The following MARCHF8 variants were observed in gnomAD, a reference collection of about 807,000 sequenced individuals.
The protein encoded by MARCHF8 is E3 ubiquitin-protein ligase MARCHF8.
Under a neutral mutation model 51.6 loss-of-function variants are expected in MARCHF8, and 40 were observed. The observed-to-expected ratio is 0.77, with a 90% CI of 0.60 to 1.01. The LOEUF (loss-of-function observed/expected upper bound fraction) is 1.01, where lower values mean the gene tolerates loss of function less well. Ranked by LOEUF, MARCHF8 falls within the 50% of genes least tolerant of loss-of-function variation. The pLI, the probability that MARCHF8 is intolerant of heterozygous loss-of-function variation, is 0.00. For missense variants in MARCHF8, 685 were observed against 708.6 expected, an observed-to-expected ratio of 0.97 and a Z score of 0.38; for synonymous variants, 263 against 280.3, an observed-to-expected ratio of 0.94 and a Z score of 0.62.
At chr10:45,475,361 T>C (rs2042768044) in intron 3 of MARCHF8, among the ~76,000 whole-genome samples, 1 of 152,112 alleles carries the variant, frequency 6.6e-6, no homozygotes, top group Admixed American at 6.5e-5. Flanking sequence ...GGCCTTGGAA[T>C]CACCCAGCCC....
chr10:45,508,462 T>C (rs2043429823), intron 2 of MARCHF8, among the ~76,000 whole-genome samples: 1 of 152,170 alleles, frequency 6.6e-6, no homozygotes, highest in South Asian at 2.1e-4. Context: ...TTTCTATTTA[T>C]CAAAGTCCTG....
At chr10:45,515,643 C>T (rs1459481213) in intron 2 of MARCHF8, among the ~76,000 whole-genome samples, 1 of 152,136 alleles carries the variant, frequency 6.6e-6, no homozygotes, top group Non-Finnish European at 1.5e-5. Context: ...TGCATCATTC[C>T]ACAAGCACTG....
chr10:45,518,312 T>C (rs930804707), intron 2 of MARCHF8, among the ~76,000 whole-genome samples: 1 of 152,172 alleles, frequency 6.6e-6, no homozygotes, highest in African/African-American at 2.4e-5. Flanking sequence ...GCCACATCAG[T>C]ACAGAAAAGA....
At chr10:45,487,766 T>C (rs1282553768) in intron 3 of MARCHF8, among the ~76,000 whole-genome samples, 1 of 152,128 alleles carries the variant, frequency 6.6e-6, no homozygotes, top group African/African-American at 2.4e-5. Flanking sequence ...AGTTTACTTT[T>C]AGTCTTAAAA....
At chr10:45,478,997 A>G (rs1386832006) in intron 3 of MARCHF8, among the ~76,000 whole-genome samples, 1 of 152,248 alleles carries the variant, frequency 6.6e-6, no homozygotes, top group African/African-American at 2.4e-5. Context: ...AACTCATTCT[A>G]CTAGACCAGC....
chr10:45,523,863 C>T (rs2043748924), intron 2 of MARCHF8, among the ~76,000 whole-genome samples: 1 of 152,210 alleles, frequency 6.6e-6, no homozygotes, highest in Non-Finnish European at 1.5e-5. Context: ...GACCAACATC[C>T]ACAGAGGTCA....
At chr10:45,550,175 A>G (rs1302314598) in intron 1 of MARCHF8, among the ~76,000 whole-genome samples, 1 of 152,230 alleles carries the variant, frequency 6.6e-6, no homozygotes, top group Non-Finnish European at 1.5e-5. Context: ...CACCTATTAT[A>G]AATTCAAAGC....
At chr10:45,565,198 A>AG (rs1285431743) in intron 1 of MARCHF8, among the ~76,000 whole-genome samples, 3 of 152,084 alleles carry the variant, frequency 2.0e-5, no homozygotes, top group African/African-American at 4.8e-5. Context: ...TAGGAGGCCA[A>AG]GGGGGGTGAA....
intron 2 of MARCHF8, among the ~76,000 whole-genome samples, chr10:45,506,861 G>A (rs377509723): frequency 1.3e-5 from 2 of 152,166 alleles, no homozygotes; most frequent in Admixed American, 6.5e-5. Flanking sequence ...TGCTTCAGGC[G>A]ATCTGGATGT....
intron 1 of MARCHF8, among the ~76,000 whole-genome samples, chr10:45,544,736 G>A (rs2044099172): frequency 6.6e-6 from 1 of 152,118 alleles, no homozygotes; most frequent in African/African-American, 2.4e-5. Context: ...GGGAACTTTG[G>A]GGGCAAAGGA....
chr10:45,564,063 G>C (rs2044338810), intron 1 of MARCHF8, among the ~76,000 whole-genome samples: 4 of 152,320 alleles, frequency 2.6e-5, no homozygotes, highest in Non-Finnish European at 5.9e-5. Context: ...ATCACCTGAG[G>C]TCAGGAGTTC....
intron 2 of MARCHF8, among the ~76,000 whole-genome samples, chr10:45,522,031 A>G (rs1245534498): frequency 2.0e-5 from 3 of 152,216 alleles, no homozygotes; most frequent in East Asian, 3.8e-4. Flanking sequence ...CAAGGTACAC[A>G]TATTACACTG....
chr10:45,486,249 G>A (rs1424509517), intron 3 of MARCHF8, among the ~76,000 whole-genome samples: 7 of 152,116 alleles, frequency 4.6e-5, no homozygotes, highest in African/African-American at 7.2e-5. Context: ...GTGTCCAGTC[G>A]CAAACAGCAC....
intron 2 of MARCHF8, among the ~76,000 whole-genome samples, chr10:45,531,239 T>C: frequency 6.6e-6 from 1 of 151,972 alleles, no homozygotes; most frequent in East Asian, 1.9e-4. Context: ...TCTATGAAAA[T>C]TGTAAACCCA....
chr10:45,538,627 C>A (rs964421040), upstream of MARCHF8, among the ~76,000 whole-genome samples: 2 of 151,994 alleles, frequency 1.3e-5, no homozygotes, highest in Non-Finnish European at 2.9e-5. Context: ...GGAAGATCTA[C>A]CAAGCAAACG....
chr10:45,576,464 G>C (rs191118233), intron 1 of MARCHF8, among the ~76,000 whole-genome samples: 21 of 152,266 alleles, frequency 1.4e-4, no homozygotes, highest in Admixed American at 9.8e-4. Context: ...AAAAGCATTT[G>C]ATGAAATTCA....
At chr10:45,484,519 T>A (rs1318027550) in intron 3 of MARCHF8, among the ~76,000 whole-genome samples, 1 of 152,186 alleles carries the variant, frequency 6.6e-6, no homozygotes, top group African/African-American at 2.4e-5. Context: ...TTAAACAGAT[T>A]TTTTTCCAAG....
At chr10:45,505,778 T>C (rs1351667350) in intron 2 of MARCHF8, among the ~76,000 whole-genome samples, 4 of 152,252 alleles carry the variant, frequency 2.6e-5, no homozygotes, top group African/African-American at 7.2e-5. Flanking sequence ...CAACTATAAA[T>C]AGTCTGGTTT....
chr10:45,568,705 G>A (rs180968869), intron 1 of MARCHF8, among the ~76,000 whole-genome samples: 1,681 of 112,330 alleles, frequency 0.015, 18 homozygotes, highest in Middle Eastern at 0.043. Context: ...GTGACAGAGC[G>A]AGACTGTTTC....
Sources: gnomAD v4.1 joint callset for allele counts (sites outside exome capture counted in the v4.1 genomes callset) on GRCh38, gnomAD v4.1.1 for gene constraint, MANE v1.5 for transcripts, NCBI Gene and HGNC (gene_info 2026-07-23, HGNC 2026-07-21) for gene names.